ULBP1: variants seen among roughly 807,000 people sequenced by gnomAD.
ULBP1 encodes the protein UL16-binding protein 1.
ULBP1 carries 28 observed loss-of-function variants against 25.3 expected under a neutral mutation model. The ratio of observed to expected loss-of-function variants is 1.10; its 90% CI spans 0.82 to 1.51. The LOEUF (loss-of-function observed/expected upper bound fraction) is 1.51. Among genes scored for constraint, ULBP1 ranks in the 40% most tolerant of loss-of-function variants. ULBP1 has a pLI of 0.00. For synonymous variants in ULBP1, 129 were observed against 103.0 expected, an observed-to-expected ratio of 1.25 and a Z score of -1.53; for missense variants, 348 against 290.9, an observed-to-expected ratio of 1.20 and a Z score of -1.43.
At position 149,970,092 on chromosome 6, in the gene ULBP1, C is replaced by T; in HGVS notation, c.702C>T (p.Ile234=). 1 of 1,612,716 alleles carries T rather than the reference C, an allele frequency of 6.2e-7. No individual in the cohort carries two copies. Among genetic ancestry groups the T allele is most frequent in the South Asian group, 1.1e-5 (1 of 90,552 alleles). Residue 234 remains isoleucine, a synonymous_variant, in exon 4 of 5, where the codon ATC becomes ATT. Coordinates refer to ENST00000229708, the MANE Select transcript of ULBP1 (RefSeq NM_025218.4). Reference sequence around the variant, plus strand: ...CCCTCAGTCCCTGGAGCCTTCTCATCATCTTCCTCTGCTTCATTCTAGCTG... The same window carrying T: ...CCCTCAGTCCCTGGAGCCTTCTCATTATCTTCCTCTGCTTCATTCTAGCTG... ...ATTLSPWSLL[I]IFLCFILAGR
intron 1 of ULBP1, among the ~76,000 whole-genome samples, chr6:149,968,127 C>A (rs1197793569): frequency 6.6e-6 from 1 of 152,148 alleles, no homozygotes; most frequent in East Asian, 1.9e-4. Flanking sequence ...TGGGGCTTTG[C>A]CAACGTGTTA....
At chr6:149,966,338 G>T (rs1167178465) in intron 1 of ULBP1, among the ~76,000 whole-genome samples, 1 of 152,112 alleles carries the variant, frequency 6.6e-6, no homozygotes, top group African/African-American at 2.4e-5. Flanking sequence ...ATCCCCTAGG[G>T]TGTCATCTCC....
chr6:149,966,863 G>A (rs908660042), intron 1 of ULBP1, among the ~76,000 whole-genome samples: 7 of 152,184 alleles, frequency 4.6e-5, no homozygotes, highest in African/African-American at 1.7e-4. Flanking sequence ...GGATCCTGTT[G>A]TGATTCTGCG....
chr6:149,967,979 A>G (rs1233481522), intron 1 of ULBP1, among the ~76,000 whole-genome samples: 1 of 152,136 alleles, frequency 6.6e-6, no homozygotes, highest in Non-Finnish European at 1.5e-5. Context: ...CCACTCTGGC[A>G]TGGGTGCTTC....
chr6:149,967,355 C>A (rs1758013848), intron 1 of ULBP1, among the ~76,000 whole-genome samples: 1 of 152,204 alleles, frequency 6.6e-6, no homozygotes, highest in Non-Finnish European at 1.5e-5. Context: ...GCCCATCTGG[C>A]TCTCTGGGGG....
At position 149,969,091 on chromosome 6, in the gene ULBP1, T is replaced by C; in HGVS notation, c.356T>C (p.Leu119Pro). The change falls in exon 3 of 5, where the codon CTC (leucine) becomes CCC (proline). Residue 119 changes from leucine (L) to proline (P), a missense_variant. Physicochemically the swap from Leu to Pro is moderately conservative, Grantham distance 98 (BLOSUM62 -3). Coordinates refer to ENST00000229708, the MANE Select transcript of ULBP1 (RefSeq NM_025218.4). ...QVENLIPIEP[L>P]TLQARMSCEH... Reference sequence around the variant, plus strand: ...TCTCTTTGCAATGGGGCAGAGCCCCTCACCCTGCAGGCCAGGATGTCTTGT... The same window carrying C: ...TCTCTTTGCAATGGGGCAGAGCCCCCCACCCTGCAGGCCAGGATGTCTTGT... 1 of 1,614,132 alleles carries C rather than the reference T, an allele frequency of 6.2e-7. No homozygotes were observed. Among genetic ancestry groups the C allele is most frequent in the Admixed American group, 1.7e-5 (1 of 60,022 alleles).
chr6:149,965,248 C>G (rs925206531), intron 1 of ULBP1, among the ~76,000 whole-genome samples: 1 of 124,504 alleles, frequency 8.0e-6, no homozygotes, highest in Admixed American at 7.4e-5. Flanking sequence ...CGCGGCCTCC[C>G]CGAACATCGC....
chr6:149,967,741 C>A (rs1480524289), intron 1 of ULBP1, among the ~76,000 whole-genome samples: 1 of 152,084 alleles, frequency 6.6e-6, no homozygotes. Context: ...ACGGCCTCCG[C>A]TTGAGATCTC....
intron 1 of ULBP1, among the ~76,000 whole-genome samples, chr6:149,966,872 C>T (rs1322508947): frequency 3.3e-5 from 5 of 152,178 alleles, no homozygotes; most frequent in Admixed American, 6.5e-5. Context: ...TGTGATTCTG[C>T]GGTTGGCAAT....
rs1266521523 is a variant in ULBP1 at position 149,972,407 on chromosome 6, G to A, written c.*1061G>A. ...AAGTACTAAAACTGTAAAAATCCTG[G>A]AATATAACCTAAGAAATACCAATGT... On this transcript the variant is annotated 3_prime_UTR_variant, in exon 5 of 5. Transcript: ENST00000229708. 2 of 152,070 alleles carry A rather than the reference G, an allele frequency of 1.3e-5. No individual in the cohort carries two copies. Among genetic ancestry groups the A allele is most frequent in the Non-Finnish European group, 2.9e-5 (2 of 68,022 alleles). The allele number at this position is 152,070 out of a possible 1,614,324, so 9.4% of individuals were successfully genotyped here.
intron 1 of ULBP1, 34 bp downstream of exon 1, chr6:149,964,168 G>A: frequency 6.2e-7 from 1 of 1,612,670 alleles, no homozygotes; most frequent in Non-Finnish European, 8.5e-7. Flanking sequence ...GCAGGGCGGG[G>A]GCCAAACCTG....
intron 1 of ULBP1, 58 bp from the exon 2 acceptor site, chr6:149,968,549 G>A: frequency 8.3e-6 from 13 of 1,557,534 alleles, no homozygotes; most frequent in Middle Eastern, 1.7e-4. Flanking sequence ...AGTGGGAGGA[G>A]GGGATACAGG....
chr6:149,968,410 C>A (rs1562494339), intron 1 of ULBP1, among the ~76,000 whole-genome samples, 197 bp from the exon 2 acceptor site: 1 of 152,200 alleles, frequency 6.6e-6, no homozygotes, highest in Non-Finnish European at 1.5e-5. Flanking sequence ...GCTGCAGGAA[C>A]CTTCCCCTCC....
intron 1 of ULBP1, among the ~76,000 whole-genome samples, chr6:149,967,378 T>C (rs1235059017): frequency 6.6e-6 from 1 of 152,030 alleles, no homozygotes; most frequent in Non-Finnish European, 1.5e-5. Context: ...GCTGAGGGAG[T>C]CATTGCAGTT....
chr6:149,971,407 T>G lies in ULBP1; in HGVS notation c.*61T>G. ...TCAAGAAGCCTCTGTTAGCCTGGTC[T>G]GGGTCCTGCTCTCCCTTCAGGGAGG... On this transcript the variant is annotated 3_prime_UTR_variant, in exon 5 of 5. Transcript: ENST00000229708. 1.0e-6 allele frequency: 1 copy of G among 985,394 alleles called. No individual in the cohort carries two copies. Among genetic ancestry groups the G allele is most frequent in the Non-Finnish European group, 1.2e-6 (1 of 829,934 alleles). 61.0% of individuals were successfully genotyped at this position (985,394 alleles called of 1,614,324 possible). A position where few individuals can be genotyped will look rare whatever the true frequency, so the allele number is the denominator to read the frequency against.
Position 149,964,004 on chromosome 6 carries a change from G to C in ULBP1, c.-46G>C, listed in dbSNP as rs1582822018. The C allele has an allele frequency of 1.0e-5, 16 of 1,601,378 alleles. No individual in the cohort carries two copies. The East Asian group carries it at 3.3e-4, about 34-fold the overall frequency. On this transcript the variant is annotated 5_prime_UTR_variant, in exon 1 of 5. Coordinates refer to ENST00000229708, the MANE Select transcript of ULBP1 (RefSeq NM_025218.4). ...TATAAACAGCCGTGGTGTGAGCCTCGAAGGGAACCATCAGCGCCTCCTGTC... is the reference window on the plus strand; with the variant it reads ...TATAAACAGCCGTGGTGTGAGCCTCCAAGGGAACCATCAGCGCCTCCTGTC...
At chr6:149,964,524 G>A (rs1163567953) in intron 1 of ULBP1, among the ~76,000 whole-genome samples, 2 of 148,160 alleles carry the variant, frequency 1.3e-5, no homozygotes, top group African/African-American at 5.0e-5. Context: ...CCCGAACATC[G>A]CGGCCTCTCC....
rs1779288394 is a variant in ULBP1 at position 149,970,137 on chromosome 6, T to G, written c.*12T>G. ...TAGCTGGCAGATGAGGAGAGTTGTT[T>G]AGAGTGACAGGTACTGTGGGCAATA... On this transcript the variant is annotated 3_prime_UTR_variant, in exon 4 of 5. Transcript: ENST00000229708. 6.3e-7 allele frequency: 1 copy of G among 1,594,334 alleles called. No individual in the cohort carries two copies. Among genetic ancestry groups the G allele is most frequent in the Non-Finnish European group, 8.5e-7 (1 of 1,170,040 alleles).
intron 3 of ULBP1, 131 bp downstream of exon 3, chr6:149,969,491 G>C (rs1390437213): frequency 7.6e-7 from 1 of 1,315,898 alleles, no homozygotes; most frequent in Non-Finnish European, 1.0e-6. Flanking sequence ...GCTCCTCCTG[G>C]GGGTCCTGGC....
Sources: allele counts gnomAD v4.1 joint callset (sites outside exome capture counted in the v4.1 genomes callset), GRCh38; gene constraint gnomAD v4.1.1; transcripts MANE v1.5; gene names NCBI Gene and HGNC (gene_info 2026-07-23, HGNC 2026-07-21).